DUSP22: variants seen among roughly 807,000 people sequenced by gnomAD.
The protein encoded by DUSP22 is dual specificity phosphatase 22, also known as dual specificity protein phosphatase 22.
A neutral mutation model predicts 24.5 loss-of-function variants in DUSP22; 24 were observed. That is an observed-to-expected ratio of 0.98 (90% CI 0.71 to 1.38). The LOEUF is 1.38. DUSP22 is among the 40% of genes most tolerant of loss of function. The pLI is 0.00. For synonymous variants in DUSP22, 160 were observed against 106.4 expected (o/e 1.50, Z -3.10); for missense variants, 330 against 269.2 (o/e 1.23, Z -1.58).
chr6:312,885 G>C (rs550243181), intron 3 of DUSP22, among the ~76,000 whole-genome samples: 1 of 152,374 alleles, frequency 6.6e-6, no homozygotes, highest in Admixed American at 6.5e-5. Context: ...TGTAGTACCA[G>C]AGAATCATAG....
intron 3 of DUSP22, among the ~76,000 whole-genome samples, chr6:322,830 T>TGG (rs61690495): frequency 3.5e-3 from 65 of 18,714 alleles, no homozygotes; most frequent in Middle Eastern, 0.024. Flanking sequence ...GGCTGCTTGG[T>TGG]GGGGCGGGGG....
intron 4 of DUSP22, 59 bp from the exon 5 acceptor site, chr6:345,795 T>G: frequency 5.7e-6 from 9 of 1,577,996 alleles, no homozygotes; most frequent in African/African-American, 1.4e-5. Context: ...TAGAATTTTC[T>G]TTTCATCATA....
chr6:307,264 C>G, intron 2 of DUSP22, among the ~76,000 whole-genome samples: 2 of 152,414 alleles, frequency 1.3e-5, no homozygotes, highest in South Asian at 4.1e-4. Context: ...TCTTCTGTCC[C>G]TTCTCCTTCC....
intron 1 of DUSP22, among the ~76,000 whole-genome samples, chr6:299,125 A>G (rs1416565693): frequency 6.6e-6 from 1 of 152,420 alleles, no homozygotes; most frequent in Non-Finnish European, 1.5e-5. Context: ...ATAGTGGGAC[A>G]TTCCCAAGTT....
At chr6:337,659 G>T (rs953888067) in intron 4 of DUSP22, among the ~76,000 whole-genome samples, 1 of 152,306 alleles carries the variant, frequency 6.6e-6, no homozygotes, top group Non-Finnish European at 1.5e-5. Context: ...GGGGTTGCAG[G>T]TGCAATTTTG....
chr6:300,233 G>C (rs1442929075), intron 1 of DUSP22, among the ~76,000 whole-genome samples: 1 of 152,312 alleles, frequency 6.6e-6, no homozygotes, highest in Non-Finnish European at 1.5e-5. Flanking sequence ...ATGTTGGTTG[G>C]TTGCACCGTG....
chr6:305,836 C>A (rs1207489446), intron 2 of DUSP22, among the ~76,000 whole-genome samples: 1 of 152,304 alleles, frequency 6.6e-6, no homozygotes, highest in East Asian at 1.9e-4. Context: ...ATGCTCCTCC[C>A]TTCCCTAACA....
At chr6:301,284 C>G (rs1422358373) in intron 1 of DUSP22, among the ~76,000 whole-genome samples, 1 of 152,426 alleles carries the variant, frequency 6.6e-6, no homozygotes, top group Admixed American at 6.5e-5. Context: ...CAGTGGGAAC[C>G]TCTTCTCTGT....
Position 350,631 on chromosome 6 carries a change from TACA to T in DUSP22, c.*1681_*1683del, listed in dbSNP as rs1230812852. 2.7e-6 allele frequency: 4 copies of T among 1,472,986 alleles called. No homozygotes were observed. The highest frequency in any genetic ancestry group is 5.0e-5 in the East Asian group (2 of 39,716). 91.2% of individuals were successfully genotyped at this position (1,472,986 alleles called of 1,614,324 possible). On this transcript the variant is annotated 3_prime_UTR_variant, in exon 7 of 7. Transcript: ENST00000419235. ...GTGGCTGTAGAATCATCCATCCGTC[TACA>T]GCTAAAACAATTTGCCAATAAAGTA...
intron 4 of DUSP22, among the ~76,000 whole-genome samples, chr6:337,659 G>C (rs953888067): frequency 6.6e-6 from 1 of 152,306 alleles, no homozygotes. Context: ...GGGGTTGCAG[G>C]TGCAATTTTG....
intron 1 of DUSP22, among the ~76,000 whole-genome samples, chr6:299,394 A>G (rs1757483306): frequency 6.6e-6 from 1 of 152,308 alleles, no homozygotes; most frequent in South Asian, 2.1e-4. Flanking sequence ...AATATCGTGA[A>G]AATAGATGGG....
intron 1 of DUSP22, 152 bp from the exon 2 acceptor site, chr6:304,476 G>A (rs1369587838): frequency 2.6e-6 from 3 of 1,174,896 alleles, no homozygotes; most frequent in African/African-American, 1.5e-5. Flanking sequence ...GGCCGCTGGG[G>A]ATGTTGGGTC....
intron 5 of DUSP22, among the ~76,000 whole-genome samples, chr6:346,881 A>G (rs1360097144): frequency 2.0e-5 from 3 of 152,304 alleles, no homozygotes; most frequent in African/African-American, 4.8e-5. Flanking sequence ...CAGAGAAGCC[A>G]CCTATGAAAA....
chr6:336,697 A>G (rs1350351573), intron 4 of DUSP22, among the ~76,000 whole-genome samples: 3 of 152,306 alleles, frequency 2.0e-5, no homozygotes, highest in Admixed American at 6.5e-5. Flanking sequence ...TATTTCACAG[A>G]AAGGTGAACG....
At chr6:342,196 G>A (rs989628244) in intron 4 of DUSP22, among the ~76,000 whole-genome samples, 1 of 152,304 alleles carries the variant, frequency 6.6e-6, no homozygotes, top group Non-Finnish European at 1.5e-5. Flanking sequence ...GTTCTGACGT[G>A]CTCTGTGGTT....
At chr6:340,624 C>T (rs1206674929) in intron 4 of DUSP22, among the ~76,000 whole-genome samples, 1 of 152,270 alleles carries the variant, frequency 6.6e-6, no homozygotes, top group Non-Finnish European at 1.5e-5. Flanking sequence ...TTGGATTTGT[C>T]CTTTGCTTTC....
chr6:296,038 A>T (rs1757313955), intron 1 of DUSP22, among the ~76,000 whole-genome samples: 1 of 132,764 alleles, frequency 7.5e-6, no homozygotes, highest in Non-Finnish European at 1.8e-5. Flanking sequence ...ATGCTAATTC[A>T]TCCCAAGTAA....
chr6:334,950 A>G (rs550841196), intron 3 of DUSP22, among the ~76,000 whole-genome samples, 164 bp from the exon 4 acceptor site: 27 of 152,414 alleles, frequency 1.8e-4, no homozygotes, highest in African/African-American at 6.5e-4. Flanking sequence ...ATAACCAGGA[A>G]CTTTAATTAG....
intron 3 of DUSP22, among the ~76,000 whole-genome samples, chr6:333,785 C>T (rs779975254): frequency 1.6e-4 from 25 of 152,280 alleles, no homozygotes; most frequent in African/African-American, 5.3e-4. Context: ...CCTGCGCCCA[C>T]GAAGCCCACG....
Sources: allele counts gnomAD v4.1 joint callset (sites outside exome capture counted in the v4.1 genomes callset), GRCh38; gene constraint gnomAD v4.1.1; transcripts MANE v1.5; gene names NCBI Gene and HGNC (gene_info 2026-07-23, HGNC 2026-07-21).